The following SETBP1 variants were observed in gnomAD, a reference collection of about 807,000 sequenced individuals.
SETBP1 encodes SET binding protein 1, also known as SET-binding protein.
SETBP1 carries 9 observed loss-of-function variants against 101.0 expected under a neutral mutation model. The observed-to-expected ratio is 0.09, with a 90% confidence interval of 0.05 to 0.16. The LOEUF (loss-of-function observed/expected upper bound fraction) is 0.16, where lower values mean the gene tolerates loss of function less well. Among genes scored for constraint, SETBP1 ranks in the 10% least tolerant of loss-of-function variants. SETBP1 has a pLI of 1.00. For synonymous variants in SETBP1, 818 were observed against 788.5 expected (o/e 1.04, Z -0.63); for missense variants, 1,858 against 2,033.8 (o/e 0.91, Z 1.66).
chr18:45,011,437 G>A (rs1325839282), intron 4 of SETBP1, among the ~76,000 whole-genome samples: 2 of 152,172 alleles, frequency 1.3e-5, no homozygotes, highest in East Asian at 3.8e-4. Flanking sequence ...TCAAAGTGCT[G>A]ATCCAAGACA....
At chr18:44,886,101 C>T (rs1026792385) in intron 3 of SETBP1, among the ~76,000 whole-genome samples, 4 of 152,000 alleles carry the variant, frequency 2.6e-5, no homozygotes, top group Non-Finnish European at 5.9e-5. Context: ...ACAACATGAC[C>T]ATGTCCCAAA....
In SETBP1 at chr18:44,988,123, C is replaced by T. The variant is rs562634375; in HGVS notation, c.4000+34783C>T. 10 of 152,188 alleles carry T rather than the reference C, an allele frequency of 6.6e-5. No homozygotes were observed. In the South Asian group the frequency reaches 1.0e-3, roughly 16 times the overall value. 9.4% of individuals were successfully genotyped at this position (152,188 alleles called of 1,614,324 possible). On this transcript the variant is annotated intron_variant, in intron 4 of 5. Transcript: ENST00000649279. Reference sequence around the variant, plus strand: ...AAATAGAAATATATACACATTCATACGATTTGGAAAAGAAGGGACACAAAT... The same window carrying T: ...AAATAGAAATATATACACATTCATATGATTTGGAAAAGAAGGGACACAAAT...
At chr18:44,945,106 C>A (rs4890492) in intron 3 of SETBP1, among the ~76,000 whole-genome samples, 28,185 of 152,014 alleles carry the variant, frequency 0.19, 2,751 homozygotes, top group South Asian at 0.27. Flanking sequence ...CCCATTAACT[C>A]GTCATTTACA....
At chr18:44,874,980 C>T (rs2069363485) in intron 3 of SETBP1, among the ~76,000 whole-genome samples, 1 of 152,184 alleles carries the variant, frequency 6.6e-6, no homozygotes, top group Admixed American at 6.5e-5. Context: ...GTGACAGCAG[C>T]TGATGTTTCA....
At chr18:45,003,489 A>G (rs1028596436) in intron 4 of SETBP1, among the ~76,000 whole-genome samples, 1 of 152,148 alleles carries the variant, frequency 6.6e-6, no homozygotes, top group Non-Finnish European at 1.5e-5. Context: ...ATGCCACCCA[A>G]CACCATCATG....
At chr18:45,023,493 G>C (rs1212339980) in intron 4 of SETBP1, among the ~76,000 whole-genome samples, 1 of 152,204 alleles carries the variant, frequency 6.6e-6, no homozygotes, top group Non-Finnish European at 1.5e-5. Flanking sequence ...AACTTTTACT[G>C]AATAAATTAA....
intron 4 of SETBP1, among the ~76,000 whole-genome samples, chr18:44,963,899 CAAAAAAAAAA>C (rs59077847): frequency 9.6e-5 from 4 of 41,618 alleles, no homozygotes; most frequent in African/African-American, 2.3e-4. Flanking sequence ...GACCCCATCT[CAAAAAAAAAA>C]AAAAAAAAAA....
chr18:44,937,409 C>G (rs2070985780), intron 3 of SETBP1, among the ~76,000 whole-genome samples: 1 of 147,204 alleles, frequency 6.8e-6, no homozygotes, highest in African/African-American at 2.5e-5. Context: ...GAGCCGAGAT[C>G]CCGCCACTGC....
At chr18:44,828,019 A>G (rs969214294) in intron 2 of SETBP1, among the ~76,000 whole-genome samples, 15 of 152,238 alleles carry the variant, frequency 9.9e-5, no homozygotes, top group African/African-American at 3.6e-4. Context: ...AGATTAAGAG[A>G]CTAGCTTTTC....
At chr18:44,899,302 A>G (rs1199080641) in intron 3 of SETBP1, among the ~76,000 whole-genome samples, 1 of 152,240 alleles carries the variant, frequency 6.6e-6, no homozygotes, top group African/African-American at 2.4e-5. Context: ...ACATTTGTCG[A>G]GTAATTTCCA....
chr18:44,699,207 C>T (rs531498648), intron 1 of SETBP1, among the ~76,000 whole-genome samples: 7 of 152,218 alleles, frequency 4.6e-5, no homozygotes, highest in Admixed American at 2.6e-4. Flanking sequence ...ATTAAAATGT[C>T]GTTGGAGATT....
intron 2 of SETBP1, among the ~76,000 whole-genome samples, chr18:44,831,816 G>T (rs938088699): frequency 9.2e-5 from 14 of 152,280 alleles, no homozygotes; most frequent in African/African-American, 2.4e-4. Flanking sequence ...TTGTGACACT[G>T]ATTGTAACAG....
intron 2 of SETBP1, among the ~76,000 whole-genome samples, chr18:44,748,816 AG>A (rs1169838559): frequency 6.6e-6 from 1 of 152,220 alleles, no homozygotes; most frequent in Admixed American, 6.5e-5. Flanking sequence ...TGGGAAATGC[AG>A]GATGGATCAT....
chr18:45,033,830 A>G (rs1424552497), intron 4 of SETBP1, among the ~76,000 whole-genome samples: 1 of 152,228 alleles, frequency 6.6e-6, no homozygotes, highest in East Asian at 1.9e-4. Flanking sequence ...GAATCAGAGA[A>G]TCTAGATCAT....
At chr18:44,978,695 T>C (rs1035189987) in intron 4 of SETBP1, among the ~76,000 whole-genome samples, 1 of 152,142 alleles carries the variant, frequency 6.6e-6, no homozygotes, top group African/African-American at 2.4e-5. Flanking sequence ...ACACCAACCA[T>C]AGTGAGTCTT....
chr18:44,996,003 GT>G (rs1348193434), intron 4 of SETBP1, among the ~76,000 whole-genome samples: 2 of 152,154 alleles, frequency 1.3e-5, no homozygotes, highest in Non-Finnish European at 2.9e-5. Context: ...TTAGGAAAAT[GT>G]TTTTACCAAC....
At chr18:44,863,588 A>G (rs540727877) in intron 2 of SETBP1, among the ~76,000 whole-genome samples, 1 of 152,356 alleles carries the variant, frequency 6.6e-6, no homozygotes, top group South Asian at 2.1e-4. Flanking sequence ...TTTACGAAAT[A>G]AAGAGGGAGA....
At chr18:44,912,702 C>A (rs898068334) in intron 3 of SETBP1, among the ~76,000 whole-genome samples, 1 of 152,124 alleles carries the variant, frequency 6.6e-6, no homozygotes, top group Non-Finnish European at 1.5e-5. Context: ...CAGGCGTGAG[C>A]CACCGTGCCT....
chr18:44,890,374 A>G (rs1057400283), intron 3 of SETBP1, among the ~76,000 whole-genome samples: 1 of 152,160 alleles, frequency 6.6e-6, no homozygotes, highest in African/African-American at 2.4e-5. Flanking sequence ...AGTTCTGTAT[A>G]ACAGTAGATT....
Sources: gnomAD v4.1 joint callset for allele counts (sites outside exome capture counted in the v4.1 genomes callset) on GRCh38, gnomAD v4.1.1 for gene constraint, MANE v1.5 for transcripts, NCBI Gene and HGNC (gene_info 2026-07-23, HGNC 2026-07-21) for gene names.